FOCAD: variants seen among roughly 807,000 people sequenced by gnomAD.
FOCAD encodes the protein KIAA1797.
FOCAD carries 198 observed loss-of-function variants against 225.6 expected under a neutral mutation model. The ratio of observed to expected loss-of-function variants is 0.88; its 90% confidence interval spans 0.78 to 0.99. The LOEUF (loss-of-function observed/expected upper bound fraction) is 0.99, where lower values mean the gene tolerates loss of function less well. FOCAD is among the 50% of genes least tolerant of loss of function. The pLI is 0.00. For synonymous variants in FOCAD, 897 were observed against 755.0 expected (o/e 1.19, Z -3.08); for missense variants, 2,713 against 2,123.6 (o/e 1.28, Z -5.46).
At chr9:20,753,826 G>C (rs892780628) in intron 5 of FOCAD, among the ~76,000 whole-genome samples, 3 of 150,246 alleles carry the variant, frequency 2.0e-5, no homozygotes, top group African/African-American at 7.6e-5. Context: ...TGCAGTGTTT[G>C]TGTTTATTTT....
chr9:20,713,010 G>A (rs933702810), intron 1 of FOCAD, among the ~76,000 whole-genome samples: 1 of 152,114 alleles, frequency 6.6e-6, no homozygotes, highest in African/African-American at 2.4e-5. Flanking sequence ...TGGGATTACA[G>A]GTGTGAGCTA....
chr9:20,775,263 T>C (rs536167966), intron 8 of FOCAD, among the ~76,000 whole-genome samples: 40 of 152,298 alleles, frequency 2.6e-4, no homozygotes, highest in Admixed American at 5.2e-4. Context: ...CCTTTCCATT[T>C]CAAGCAAAAC....
At chr9:20,816,267 T>G (rs1157131058) in intron 11 of FOCAD, among the ~76,000 whole-genome samples, 1 of 152,184 alleles carries the variant, frequency 6.6e-6, no homozygotes, top group East Asian at 1.9e-4. Flanking sequence ...CTCATTGCCC[T>G]TCTAAAAACT....
At chr9:20,765,272 C>G (rs1455471256) in intron 7 of FOCAD, among the ~76,000 whole-genome samples, 199 bp downstream of exon 7, 1 of 152,076 alleles carries the variant, frequency 6.6e-6, no homozygotes, top group African/African-American at 2.4e-5. Context: ...TCGATATTAA[C>G]TAAATACACA....
intron 24 of FOCAD, among the ~76,000 whole-genome samples, chr9:20,920,734 G>T (rs1274589460): frequency 6.6e-6 from 1 of 151,386 alleles, no homozygotes; most frequent in Non-Finnish European, 1.5e-5. Context: ...AACACCGCAT[G>T]TTCTTACTCA....
intron 38 of FOCAD, among the ~76,000 whole-genome samples, chr9:20,982,021 ATATACTGTTTAT>A: frequency 6.6e-6 from 1 of 152,310 alleles, no homozygotes; most frequent in Non-Finnish European, 1.5e-5. Flanking sequence ...ATGAGTTCCC[ATATACTGTTTAT>A]ATAAAACAAT....
At chr9:20,693,589 T>C (rs970477661) in intron 1 of FOCAD, among the ~76,000 whole-genome samples, 1 of 152,372 alleles carries the variant, frequency 6.6e-6, no homozygotes, top group Middle Eastern at 3.4e-3. Context: ...AATGGAGGAA[T>C]GAAAGGTACT....
intron 35 of FOCAD, among the ~76,000 whole-genome samples, chr9:20,953,828 C>G (rs1353028018): frequency 6.6e-6 from 1 of 152,060 alleles, no homozygotes; most frequent in Admixed American, 6.6e-5. Context: ...TTGGTTAGGT[C>G]AGTCTGGGCA....
At chr9:20,745,429 G>C (rs1284581641) in intron 5 of FOCAD, among the ~76,000 whole-genome samples, 1 of 152,130 alleles carries the variant, frequency 6.6e-6, no homozygotes, top group Non-Finnish European at 1.5e-5. Flanking sequence ...CAGGAAGTGG[G>C]CAGAGAATCA....
At chr9:20,666,897 T>A (rs1319236300) in intron 2 of FOCAD, among the ~76,000 whole-genome samples, 2 of 152,180 alleles carry the variant, frequency 1.3e-5, no homozygotes, top group Non-Finnish European at 2.9e-5. Context: ...TGTAAATAAA[T>A]CCATAAATTA....
intron 10 of FOCAD, among the ~76,000 whole-genome samples, chr9:20,785,428 G>C (rs1463211887): frequency 1.3e-5 from 2 of 152,042 alleles, no homozygotes; most frequent in East Asian, 3.9e-4. Context: ...CCTCAGGCTA[G>C]GCAGTCCCTA....
intron 3 of FOCAD, 45 bp downstream of exon 3, chr9:20,717,913 C>T (rs989417805): frequency 3.4e-6 from 5 of 1,468,630 alleles, no homozygotes; most frequent in Non-Finnish European, 4.8e-6. Context: ...GATAAGATTG[C>T]TACTAGCTGG....
intron 1 of FOCAD, among the ~76,000 whole-genome samples, chr9:20,705,449 G>T (rs934989189): frequency 1.3e-5 from 2 of 152,044 alleles, no homozygotes; most frequent in African/African-American, 4.8e-5. Flanking sequence ...CATTTTTAAG[G>T]GGAGAAAATA....
intron 1 of FOCAD, among the ~76,000 whole-genome samples, chr9:20,688,327 T>A (rs950993220): frequency 1.3e-5 from 2 of 152,050 alleles, no homozygotes; most frequent in African/African-American, 2.4e-5. Flanking sequence ...ATTAAGGTGA[T>A]TGAGTTAGTG....
intron 35 of FOCAD, among the ~76,000 whole-genome samples, chr9:20,964,488 A>C (rs1233385817): frequency 6.6e-6 from 1 of 152,156 alleles, no homozygotes; most frequent in Non-Finnish European, 1.5e-5. Context: ...CAGAACTACA[A>C]CACCAATTAC....
At chr9:20,866,378 C>T (rs566226980) in intron 17 of FOCAD, among the ~76,000 whole-genome samples, 2 of 151,944 alleles carry the variant, frequency 1.3e-5, no homozygotes, top group Non-Finnish European at 2.9e-5. Context: ...TGATGTTATA[C>T]CTAACTCATG....
At chr9:20,788,358 A>G (rs1039783850) in intron 10 of FOCAD, among the ~76,000 whole-genome samples, 1 of 152,112 alleles carries the variant, frequency 6.6e-6, no homozygotes, top group East Asian at 1.9e-4. Context: ...GGGTTGATGA[A>G]AATGTTCTAA....
In FOCAD at chr9:20,842,024, G is replaced by A. The variant is rs535022065; in HGVS notation, c.1920+18909G>A. On this transcript the variant is annotated intron_variant, in intron 15 of 43. Coordinates refer to ENST00000338382, the MANE Select transcript of FOCAD (RefSeq NM_001375567.1). ...TTTATTGACCCCACTGGTCATTTAC[G>A]AGCATATTGTTTAATTTCTATGTGT... Among the ~76,000 whole-genome samples, 13 of 151,862 alleles carry A rather than the reference G, an allele frequency of 8.6e-5. 1 individual carries two copies. In the South Asian group the frequency reaches 2.7e-3, roughly 32 times the overall value.
chr9:20,702,302 C>G (rs940633242), intron 1 of FOCAD, among the ~76,000 whole-genome samples: 17 of 152,090 alleles, frequency 1.1e-4, no homozygotes, highest in African/African-American at 3.9e-4. Context: ...TGGGGTATCA[C>G]TATGTTGCCT....
Sources: allele counts gnomAD v4.1 joint callset (sites outside exome capture counted in the v4.1 genomes callset), GRCh38; gene constraint gnomAD v4.1.1; transcripts MANE v1.5; gene names NCBI Gene and HGNC (gene_info 2026-07-23, HGNC 2026-07-21).